Variants in SDK1 observed in about 807,000 individuals in gnomAD.
SDK1 encodes sidekick cell adhesion molecule 1.
SDK1 carries 157 observed loss-of-function variants against 245.5 expected under a neutral mutation model. The ratio of observed to expected loss-of-function variants is 0.64; its 90% CI spans 0.56 to 0.73. SDK1 has a LOEUF of 0.73. Ranked by LOEUF, SDK1 falls within the 30% of genes least tolerant of loss-of-function variation. The pLI is 0.00. For missense variants in SDK1, 3,583 were observed against 3,002.3 expected (o/e 1.19, Z -4.52); for synonymous variants, 1,647 against 1,278.5 (o/e 1.29, Z -6.15).
intron 4 of SDK1, among the ~76,000 whole-genome samples, chr7:3,775,989 CCTAA>C (rs1460097446): frequency 1.3e-5 from 2 of 152,216 alleles, no homozygotes; most frequent in Non-Finnish European, 2.9e-5. Flanking sequence ...TCCACCAGTC[CCTAA>C]CTGTGATCCT....
intron 4 of SDK1, among the ~76,000 whole-genome samples, chr7:3,793,564 C>G (rs1583419641): frequency 6.6e-6 from 1 of 152,274 alleles, no homozygotes; most frequent in Middle Eastern, 3.4e-3. Flanking sequence ...CCCTTTACAG[C>G]TTTTGTATCC....
At chr7:3,680,179 C>T (rs952996722) in intron 4 of SDK1, among the ~76,000 whole-genome samples, 1 of 152,124 alleles carries the variant, frequency 6.6e-6, no homozygotes, top group Non-Finnish European at 1.5e-5. Context: ...AGGGAAAAAC[C>T]CAATCTCCAA....
At chr7:3,889,971 A>G (rs1781420964) in intron 5 of SDK1, among the ~76,000 whole-genome samples, 1 of 152,186 alleles carries the variant, frequency 6.6e-6, no homozygotes, top group African/African-American at 2.4e-5. Context: ...AGTTAACCTG[A>G]TTGGTTTCTA....
chr7:3,761,765 T>C (rs1024709763), intron 4 of SDK1, among the ~76,000 whole-genome samples: 1 of 152,030 alleles, frequency 6.6e-6, no homozygotes, highest in African/African-American at 2.4e-5. Flanking sequence ...TATGAAATCA[T>C]GCAGGACAGG....
chr7:3,601,912 A>C (rs1341184572), intron 1 of SDK1, among the ~76,000 whole-genome samples: 1 of 148,158 alleles, frequency 6.7e-6, no homozygotes, highest in African/African-American at 2.5e-5. Flanking sequence ...CCACCTATGA[A>C]TGAGAACATG....
chr7:4,178,039 T>G (rs1782340177), intron 34 of SDK1, among the ~76,000 whole-genome samples: 1 of 152,230 alleles, frequency 6.6e-6, no homozygotes, highest in South Asian at 2.1e-4. Flanking sequence ...TGTGAGAGTC[T>G]AAGCTGATCT....
At chr7:4,046,911 C>G (rs1789055635) in intron 17 of SDK1, among the ~76,000 whole-genome samples, 1 of 151,850 alleles carries the variant, frequency 6.6e-6, no homozygotes, top group Non-Finnish European at 1.5e-5. Context: ...GTTTTATTCA[C>G]TATATTGATT....
rs530564195 is a variant in SDK1, at chr7:4,045,679, A to T, written c.2603-3669A>T. On this transcript the variant is annotated intron_variant, in intron 17 of 44. Transcript: ENST00000404826. ...AACGGTCCCACCAGGTGGCCGTGCCATGGGCATCCGCATCTCAAACTGCGA... is the reference window on the plus strand; with the variant it reads ...AACGGTCCCACCAGGTGGCCGTGCCTTGGGCATCCGCATCTCAAACTGCGA... Among the ~76,000 whole-genome samples the T allele has an allele frequency of 3.9e-5, 6 of 152,268 alleles. No homozygotes were observed. The East Asian group carries it at 9.7e-4, about 25-fold the overall frequency.
intron 19 of SDK1, among the ~76,000 whole-genome samples, chr7:4,059,716 T>A (rs931421613): frequency 6.6e-6 from 1 of 152,090 alleles, no homozygotes; most frequent in African/African-American, 2.4e-5. Context: ...CAACAACTTT[T>A]AAAAGACTAA....
At chr7:3,565,409 T>A (rs1779879742) in intron 1 of SDK1, among the ~76,000 whole-genome samples, 1 of 152,228 alleles carries the variant, frequency 6.6e-6, no homozygotes, top group African/African-American at 2.4e-5. Context: ...CCTCTGCTGC[T>A]ACTTAACATA....
intron 4 of SDK1, among the ~76,000 whole-genome samples, chr7:3,737,252 G>T (rs1583357771): frequency 1.3e-5 from 2 of 152,204 alleles, no homozygotes; most frequent in African/African-American, 4.8e-5. Context: ...CTGCTGTCTG[G>T]GCTCTCTGGT....
chr7:3,466,063 G>A (rs908597250), intron 1 of SDK1, among the ~76,000 whole-genome samples: 26 of 152,056 alleles, frequency 1.7e-4, no homozygotes, highest in African/African-American at 6.3e-4. Flanking sequence ...GGGCAACTCA[G>A]CTAGGGGAGG....
chr7:3,679,001 T>C (rs1417076464), intron 4 of SDK1, among the ~76,000 whole-genome samples: 1 of 152,176 alleles, frequency 6.6e-6, no homozygotes, highest in Non-Finnish European at 1.5e-5. Context: ...TATAAAACTT[T>C]TTGGAAAACA....
chr7:3,657,636 TG>T (rs929730265), intron 4 of SDK1, among the ~76,000 whole-genome samples: 51 of 151,658 alleles, frequency 3.4e-4, no homozygotes, highest in African/African-American at 1.2e-3. Flanking sequence ...TCAAGCCATC[TG>T]TTTGGCCTCT....
intron 44 of SDK1, among the ~76,000 whole-genome samples, chr7:4,255,101 A>G (rs1178705285): frequency 6.6e-6 from 1 of 152,164 alleles, no homozygotes; most frequent in Admixed American, 6.5e-5. Flanking sequence ...GCTTGCTCTG[A>G]CACTAAGAGG....
intron 22 of SDK1, among the ~76,000 whole-genome samples, chr7:4,087,164 A>G (rs28610392): frequency 0.28 from 43,128 of 151,952 alleles, 7,203 homozygotes; most frequent in African/African-American, 0.46. Flanking sequence ...TTTCATTTTT[A>G]CATTTAGAAC....
chr7:4,086,589 G>A (rs913944611), intron 22 of SDK1, among the ~76,000 whole-genome samples: 1 of 152,138 alleles, frequency 6.6e-6, no homozygotes, highest in East Asian at 1.9e-4. Flanking sequence ...AGCCGGGGCA[G>A]GTCAAGTCCT....
intron 1 of SDK1, among the ~76,000 whole-genome samples, chr7:3,609,616 G>T (rs1488495491): frequency 1.3e-5 from 2 of 152,022 alleles, no homozygotes; most frequent in East Asian, 3.9e-4. Context: ...TTGCCAGGAT[G>T]GTCTCGATTT....
chr7:4,131,098 G>T (rs686162), intron 27 of SDK1, among the ~76,000 whole-genome samples: 1 of 152,094 alleles, frequency 6.6e-6, no homozygotes, highest in Admixed American at 6.5e-5. Flanking sequence ...GGGAATGTGG[G>T]TGTTGTTTCC....
Sources: allele counts gnomAD v4.1 joint callset (sites outside exome capture counted in the v4.1 genomes callset), GRCh38; gene constraint gnomAD v4.1.1; transcripts MANE v1.5; gene names NCBI Gene and HGNC (gene_info 2026-07-23, HGNC 2026-07-21).